The following CSMD1 variants were observed in gnomAD, a reference collection of about 807,000 sequenced individuals.
The protein encoded by CSMD1 is CUB and sushi domain-containing protein 1.
A neutral mutation model predicts 417.5 loss-of-function variants in CSMD1; 213 were observed. That is an observed-to-expected ratio of 0.51 (90% CI 0.46 to 0.57). The LOEUF is 0.57. CSMD1 is among the 20% of genes least tolerant of loss of function. CSMD1 has a pLI of 0.00. For synonymous variants in CSMD1, 2,862 were observed against 1,736.8 expected (o/e 1.65, Z -16.11); for missense variants, 6,923 against 4,529.7 (o/e 1.53, Z -15.17).
chr8:4,916,319 G>C (rs577547239), intron 1 of CSMD1, among the ~76,000 whole-genome samples: 1 of 152,286 alleles, frequency 6.6e-6, no homozygotes, highest in African/African-American at 2.4e-5. Context: ...AGATATTGTT[G>C]ACAATGTTTA....
chr8:3,582,515 A>G (rs1433005562), intron 9 of CSMD1, among the ~76,000 whole-genome samples: 1 of 152,112 alleles, frequency 6.6e-6, no homozygotes, highest in Non-Finnish European at 1.5e-5. Flanking sequence ...CACAACTACA[A>G]GGGTGTTGAT....
chr8:3,403,442 AG>A (rs1432505738), intron 15 of CSMD1, among the ~76,000 whole-genome samples: 2 of 152,170 alleles, frequency 1.3e-5, no homozygotes, highest in Non-Finnish European at 2.9e-5. Context: ...CTCAGTCATT[AG>A]GTTTCTCAAC....
chr8:3,523,459 G>A (rs1019950064), intron 10 of CSMD1, among the ~76,000 whole-genome samples: 3 of 152,114 alleles, frequency 2.0e-5, no homozygotes, highest in Non-Finnish European at 2.9e-5. Context: ...AGAATAAGGT[G>A]CCTAAAGTCC....
chr8:4,801,152 A>C (rs931231093), intron 1 of CSMD1, among the ~76,000 whole-genome samples: 2 of 152,170 alleles, frequency 1.3e-5, no homozygotes, highest in Non-Finnish European at 2.9e-5. Context: ...TCTTACCTTA[A>C]ATCAATGTCT....
intron 3 of CSMD1, among the ~76,000 whole-genome samples, chr8:4,062,872 C>T (rs116607664): frequency 1.7e-3 from 255 of 150,302 alleles, no homozygotes; most frequent in African/African-American, 5.9e-3. Context: ...AAAGCCTGTA[C>T]GTAATACTGA....
In CSMD1 at chr8:3,004,204, G is replaced by A. The variant is rs146752784; in HGVS notation, c.8030-4073C>T. Among the ~76,000 whole-genome samples the A allele has an allele frequency of 2.0e-5, 3 of 152,140 alleles. No individual in the cohort carries two copies. The East Asian group carries it at 5.8e-4, about 29-fold the overall frequency. On this transcript the variant is annotated intron_variant, in intron 52 of 69. Transcript: ENST00000635120. ...CAGTGGACCTTACACTATGATGCCA[G>A]AGCCCAGAGGCTGTGATTTGTCTTG...
intron 3 of CSMD1, among the ~76,000 whole-genome samples, chr8:4,281,098 G>A (rs1011771474): frequency 1.4e-4 from 21 of 152,176 alleles, no homozygotes; most frequent in African/African-American, 5.1e-4. Flanking sequence ...GGTGTACCAG[G>A]ATGGTATGAG....
chr8:3,067,368 A>G (rs4335144), intron 49 of CSMD1, among the ~76,000 whole-genome samples: 28,133 of 151,976 alleles, frequency 0.19, 2,800 homozygotes, highest in African/African-American at 0.25. Flanking sequence ...TAGCCATCTC[A>G]TCATAGTCCA....
chr8:4,264,877 A>G (rs998500881), intron 3 of CSMD1, among the ~76,000 whole-genome samples: 3 of 152,238 alleles, frequency 2.0e-5, no homozygotes, highest in Non-Finnish European at 2.9e-5. Context: ...CCTAGGTAGG[A>G]CGATGAACAG....
At chr8:4,251,297 G>A (rs552379151) in intron 3 of CSMD1, among the ~76,000 whole-genome samples, 2 of 152,226 alleles carry the variant, frequency 1.3e-5, no homozygotes, top group East Asian at 3.9e-4. Flanking sequence ...AAAAAGTACT[G>A]TATTACAAGA....
At chr8:3,433,405 A>G (rs1814348645) in intron 12 of CSMD1, among the ~76,000 whole-genome samples, 1 of 152,054 alleles carries the variant, frequency 6.6e-6, no homozygotes, top group Non-Finnish European at 1.5e-5. Flanking sequence ...TGAACTACCC[A>G]CTTTCTTAAT....
At chr8:4,059,422 A>G (rs1258321154) in intron 3 of CSMD1, among the ~76,000 whole-genome samples, 1 of 152,222 alleles carries the variant, frequency 6.6e-6, no homozygotes, top group African/African-American at 2.4e-5. Context: ...AGCTAGCAGA[A>G]GGCAAGAAAT....
intron 60 of CSMD1, among the ~76,000 whole-genome samples, chr8:2,962,935 C>T (rs1803626947): frequency 6.6e-6 from 1 of 152,086 alleles, no homozygotes; most frequent in African/African-American, 2.4e-5. Flanking sequence ...GTAGTCCCAG[C>T]TACTCGGGAG....
intron 10 of CSMD1, among the ~76,000 whole-genome samples, chr8:3,547,235 A>G (rs1280014162): frequency 3.3e-5 from 5 of 152,242 alleles, no homozygotes; most frequent in Non-Finnish European, 5.9e-5. Flanking sequence ...TAAGTGAGCA[A>G]GCCTCTTCTT....
rs570221382 is a variant in CSMD1 at position 4,426,696 on chromosome 8, TTA to T, written c.303-6633_303-6632del. Among the ~76,000 whole-genome samples, 564 of 147,246 alleles carry T rather than the reference TTA, an allele frequency of 3.8e-3. 4 individuals are homozygous for T. Among genetic ancestry groups the T allele is most frequent in the African/African-American group, 0.013 (534 of 40,704 alleles). ...ATTATATAATATAGTAATATTTTTA[TTA>T]TATAATGCAGTAATATTTTATTACT... On this transcript the variant is annotated intron_variant, in intron 2 of 69. Coordinates refer to ENST00000635120, the MANE Select transcript of CSMD1 (RefSeq NM_033225.6).
chr8:4,556,370 T>A (rs1163584864), intron 2 of CSMD1, among the ~76,000 whole-genome samples: 1 of 152,276 alleles, frequency 6.6e-6, no homozygotes, highest in South Asian at 2.1e-4. Flanking sequence ...CAAAAATAAC[T>A]GTATAACAAT....
chr8:4,258,070 AG>A (rs1803588021), intron 3 of CSMD1, among the ~76,000 whole-genome samples: 1 of 151,746 alleles, frequency 6.6e-6, no homozygotes, highest in South Asian at 2.1e-4. Context: ...CAGCCTCCCT[AG>A]TAACTGGGAC....
intron 2 of CSMD1, among the ~76,000 whole-genome samples, chr8:4,464,258 G>A (rs371294441): frequency 7.2e-5 from 11 of 151,990 alleles, no homozygotes; most frequent in African/African-American, 2.7e-4. Flanking sequence ...TCTTCCTGCA[G>A]TGATTGTATG....
At chr8:3,219,565 A>T in intron 28 of CSMD1, 123 bp from the exon 29 acceptor site, 1 of 638,832 alleles carries the variant, frequency 1.6e-6, no homozygotes, top group South Asian at 2.6e-5. Flanking sequence ...CAGTTAGGGC[A>T]ATCAAAAAGT....
Sources: allele counts gnomAD v4.1 joint callset (sites outside exome capture counted in the v4.1 genomes callset), GRCh38; gene constraint gnomAD v4.1.1; transcripts MANE v1.5; gene names NCBI Gene and HGNC (gene_info 2026-07-23, HGNC 2026-07-21).